LAMB4: variants seen among roughly 807,000 people sequenced by gnomAD.
LAMB4 encodes laminin subunit beta 4.
LAMB4 carries 196 observed loss-of-function variants against 199.2 expected under a neutral mutation model. The observed-to-expected ratio is 0.98, with a 90% confidence interval of 0.88 to 1.11. The LOEUF (loss-of-function observed/expected upper bound fraction) is 1.11, where lower values mean the gene tolerates loss of function less well. LAMB4 is among the 50% of genes least tolerant of loss of function. The pLI is 0.00. For missense variants in LAMB4, 2,080 were observed against 2,171.2 expected, an observed-to-expected ratio of 0.96 and a Z score of 0.83; for synonymous variants, 744 against 770.6, an observed-to-expected ratio of 0.97 and a Z score of 0.57.
chr7:108,015,882 T>C, the LAMB4 span, among the ~76,000 whole-genome samples: 1 of 152,164 alleles, frequency 6.6e-6, no homozygotes, highest in Non-Finnish European at 1.5e-5. Flanking sequence ...TATACAGTTT[T>C]GTTCAATAAC....
At position 108,116,300 on chromosome 7, in the gene LAMB4, T is replaced by C. The variant is rs1024838617; in HGVS notation, c.35-139A>G. 3.9e-5 allele frequency: 31 copies of C among 804,742 alleles called. No homozygotes were observed. The African/African-American group carries it at 4.9e-4, about 13-fold the overall frequency. The allele number at this position is 804,742 out of a possible 1,614,324, so 49.9% of individuals were successfully genotyped here. A position where few individuals can be genotyped will look rare whatever the true frequency, so the allele number is the denominator to read the frequency against. On this transcript the variant is annotated intron_variant, in intron 2 of 33. Coordinates refer to ENST00000388781, the MANE Select transcript of LAMB4 (RefSeq NM_007356.3). ...TGTATCAGACTTTTAAGTTTATTAA[T>C]AGATGACAAATGGTCCCTACTTTGC...
intron 1 of LAMB4, among the ~76,000 whole-genome samples, chr7:108,129,228 G>A (rs193171171): frequency 3.3e-4 from 51 of 152,292 alleles, no homozygotes; most frequent in Non-Finnish European, 4.9e-4. Context: ...CAGGTGCATC[G>A]TGTTTGATAA....
chr7:108,026,928 A>G (rs769884042), intron 33 of LAMB4: 1 of 517,906 alleles, frequency 1.9e-6, no homozygotes, highest in Non-Finnish European at 3.9e-6. Flanking sequence ...CAAAAGGAAA[A>G]GAGAAAAGGC....
At chr7:108,042,937 C>CTATGTGTGTG (rs1554426273) in intron 29 of LAMB4, among the ~76,000 whole-genome samples, 1 of 140,292 alleles carries the variant, frequency 7.1e-6, no homozygotes, top group African/African-American at 2.8e-5. Context: ...CTCTCAATCT[C>CTATGTGTGTG]TGTGTGTGTG....
At chr7:108,014,613 T>C in the LAMB4 span, among the ~76,000 whole-genome samples, 1 of 152,232 alleles carries the variant, frequency 6.6e-6, no homozygotes, top group Non-Finnish European at 1.5e-5. Context: ...CTGTATACAA[T>C]GTATGATTGC....
At chr7:108,050,950 C>T (rs544889932) in intron 26 of LAMB4, among the ~76,000 whole-genome samples, 13 of 152,110 alleles carry the variant, frequency 8.5e-5, no homozygotes, top group Non-Finnish European at 1.9e-4. Context: ...TTGTCCCCTG[C>T]CCCCATTAGA....
At chr7:108,092,619 G>A (rs2037451597) in intron 12 of LAMB4, among the ~76,000 whole-genome samples, 1 of 152,146 alleles carries the variant, frequency 6.6e-6, no homozygotes, top group Admixed American at 6.5e-5. Flanking sequence ...GAAGTAAGGG[G>A]ACAGGGCTGG....
chr7:108,066,320 G>A (rs758599039), intron 20 of LAMB4, 49 bp downstream of exon 20: 2 of 1,370,360 alleles, frequency 1.5e-6, no homozygotes, highest in African/African-American at 1.4e-5. Context: ...TAGGAGATTG[G>A]AACAAAGTGT....
rs775962827 is a variant in LAMB4 at position 108,068,173 on chromosome 7, T to C, written c.2303-14A>G. The C allele has an allele frequency of 1.2e-6, 2 of 1,613,550 alleles. No homozygotes were observed. The highest frequency in any genetic ancestry group is 1.7e-6 in the Non-Finnish European group (2 of 1,179,894). On this transcript the variant is annotated splice_polypyrimidine_tract_variant and intron_variant, in intron 18 of 33. Transcript: ENST00000388781. ...GACACTTGCAGGCTGCAAGGAACAA[T>C]GGAAGGGAGGTAGAAATGAATGAAG... is the stretch of plus-strand genomic sequence containing the variant.
At chr7:108,023,056 C>T (rs879523221), downstream of LAMB4, among the ~76,000 whole-genome samples, 14 of 152,104 alleles carry the variant, frequency 9.2e-5, no homozygotes, top group African/African-American at 2.4e-4. Context: ...TCAGATGATC[C>T]GCCTTCCTTG....
the LAMB4 span, among the ~76,000 whole-genome samples, chr7:108,018,315 T>A: frequency 6.6e-6 from 1 of 152,214 alleles, no homozygotes; most frequent in Non-Finnish European, 1.5e-5. Context: ...GCCCTTGGTT[T>A]AGCCAATGGG....
chr7:108,024,003 G>T lies in LAMB4; in HGVS notation c.*36C>A. 6.4e-7 allele frequency: 1 copy of T among 1,566,402 alleles called. No homozygotes were observed. The highest frequency in any genetic ancestry group is 8.6e-7 in the Non-Finnish European group (1 of 1,161,464). On this transcript the variant is annotated 3_prime_UTR_variant, in exon 34 of 34. Transcript: ENST00000388781. Reference sequence around the variant, plus strand: ...CCAGGGGCTTGTACATCAGAAACCAGAAACAAAGGCACAAGCTTTTGCTCT... The same window carrying T: ...CCAGGGGCTTGTACATCAGAAACCATAAACAAAGGCACAAGCTTTTGCTCT...
rs146371336 is a variant in LAMB4 at position 108,057,200 on chromosome 7, G to T, written c.3379+632C>A. ...GGTCTGTGGCCTGACTTGATTATTT[G>T]CAGTTTCTTCTACTGCTTCTCTATA... On this transcript the variant is annotated intron_variant, in intron 24 of 33. Coordinates refer to ENST00000388781, the MANE Select transcript of LAMB4 (RefSeq NM_007356.3). Among the ~76,000 whole-genome samples, 725 of 152,170 alleles carry T rather than the reference G, an allele frequency of 4.8e-3. 6 individuals carry two copies. Among genetic ancestry groups the T allele is most frequent in the African/African-American group, 0.016 (671 of 41,512 alleles).
chr7:108,015,061 A>T, the LAMB4 span, among the ~76,000 whole-genome samples: 11 of 152,182 alleles, frequency 7.2e-5, no homozygotes, highest in African/African-American at 2.4e-4. Context: ...CTCATTTAAG[A>T]CATCCTATCA....
chr7:108,046,507 G>A lies in LAMB4; in HGVS notation c.4326+1401C>T, dbSNP rs190210795. On this transcript the variant is annotated intron_variant, in intron 28 of 33. Transcript: ENST00000388781. ...TTCTTCTTTGTCAGAGGCTCTTTGC[G>A]TATTGTCAAAAAAGAAACAGATTGG... 1.3e-3 allele frequency among the ~76,000 whole-genome samples: 192 copies of A among 151,690 alleles called. 1 individual carries two copies. Among genetic ancestry groups the A allele is most frequent in the Admixed American group, 3.4e-3 (52 of 15,220 alleles).
At position 108,025,424 on chromosome 7, in the gene LAMB4, C is replaced by CT. The variant is rs1480225161; in HGVS notation, c.5147-1247dup. Among the ~76,000 whole-genome samples, 75 of 118,266 alleles carry CT rather than the reference C, an allele frequency of 6.3e-4. 1 individual carries two copies. The highest frequency in any genetic ancestry group is 3.4e-3 in the African/African-American group (55 of 16,216). 77.6% of individuals were successfully genotyped at this position (118,266 alleles called of 152,430 possible). ...TTCTTTCTTTCTTTCTTTCTTCTTTCTTTCTTTCTTTTTTTTTTTTTGAGA... is the reference window on the plus strand; with the variant it reads ...TTCTTTCTTTCTTTCTTTCTTCTTTCTTTTCTTTCTTTTTTTTTTTTTGAGA... On this transcript the variant is annotated intron_variant, in intron 33 of 33. Coordinates refer to ENST00000388781, the MANE Select transcript of LAMB4 (RefSeq NM_007356.3).
At chr7:108,019,767 C>G (rs2034651227), downstream of LAMB4, among the ~76,000 whole-genome samples, 1 of 152,126 alleles carries the variant, frequency 6.6e-6, no homozygotes, top group African/African-American at 2.4e-5. Flanking sequence ...CAGCAATTTC[C>G]AGCCTGAGCC....
chr7:108,027,680 T>C (rs1178737503), intron 33 of LAMB4, among the ~76,000 whole-genome samples: 1 of 152,212 alleles, frequency 6.6e-6, no homozygotes, highest in Non-Finnish European at 1.5e-5. Flanking sequence ...CTGATATTTC[T>C]TGATGGTTAG....
intron 17 of LAMB4, among the ~76,000 whole-genome samples, chr7:108,071,129 G>A (rs927042675): frequency 2.0e-5 from 3 of 151,698 alleles, no homozygotes; most frequent in African/African-American, 7.3e-5. Context: ...ATGTGCTCAA[G>A]TCTCTCCCAT....
Sources: gnomAD v4.1 joint callset for allele counts (sites outside exome capture counted in the v4.1 genomes callset) on GRCh38, gnomAD v4.1.1 for gene constraint, MANE v1.5 for transcripts, NCBI Gene and HGNC (gene_info 2026-07-23, HGNC 2026-07-21) for gene names.